Variants in EYA1 observed in about 807,000 individuals in gnomAD.
The protein encoded by EYA1 is EYA transcriptional coactivator and phosphatase 1.
Under a neutral mutation model 82.0 loss-of-function variants are expected in EYA1, and 16 were observed. The ratio of observed to expected loss-of-function variants is 0.20; its 90% CI spans 0.13 to 0.30. The LOEUF (loss-of-function observed/expected upper bound fraction) is 0.30, where lower values mean the gene tolerates loss of function less well. Among genes scored for constraint, EYA1 ranks in the 10% least tolerant of loss-of-function variants. The pLI is 1.00. For synonymous variants in EYA1, 261 were observed against 264.4 expected (o/e 0.99, Z 0.12); for missense variants, 633 against 730.7 (o/e 0.87, Z 1.54).
intron 12 of EYA1, among the ~76,000 whole-genome samples, chr8:71,240,268 CTT>C (rs35098983): frequency 0.32 from 45,981 of 142,872 alleles, 7,350 homozygotes; most frequent in Middle Eastern, 0.35. Flanking sequence ...TGCCCCAGGC[CTT>C]TTTTTTTTTT....
chr8:71,468,232 T>G (rs1404314169), intron 2 of EYA1, among the ~76,000 whole-genome samples: 1 of 152,170 alleles, frequency 6.6e-6, no homozygotes, highest in Non-Finnish European at 1.5e-5. Flanking sequence ...AGGCAAAGAA[T>G]AACCCCATCA....
intron 9 of EYA1, among the ~76,000 whole-genome samples, chr8:71,294,333 C>T (rs1819351612): frequency 6.6e-6 from 1 of 152,058 alleles, no homozygotes; most frequent in African/African-American, 2.4e-5. Context: ...GTAGCGGGCG[C>T]CTGTAGTCCC....
At chr8:71,417,491 A>G (rs66790719) in intron 2 of EYA1, among the ~76,000 whole-genome samples, 33,445 of 152,180 alleles carry the variant, frequency 0.22, 4,439 homozygotes, top group Non-Finnish European at 0.3. Flanking sequence ...GCATTCCATT[A>G]TATCGATGTA....
upstream of EYA1, among the ~76,000 whole-genome samples, chr8:71,365,598 C>T (rs147789860): frequency 6.6e-6 from 1 of 152,302 alleles, no homozygotes; most frequent in African/African-American, 2.4e-5. Context: ...TTCCAAAATA[C>T]TATACTTCCA....
At chr8:71,444,613 G>C (rs1356802917) in intron 2 of EYA1, among the ~76,000 whole-genome samples, 1 of 152,202 alleles carries the variant, frequency 6.6e-6, no homozygotes, top group Non-Finnish European at 1.5e-5. Flanking sequence ...ACCAGGATGA[G>C]AGGAGCACTA....
chr8:71,508,436 G>A (rs907775483), intron 2 of EYA1, among the ~76,000 whole-genome samples: 2 of 152,238 alleles, frequency 1.3e-5, no homozygotes, highest in African/African-American at 4.8e-5. Flanking sequence ...ACCAAGCCCA[G>A]CTACAAACTA....
chr8:71,321,442 G>A (rs1224508744), intron 6 of EYA1, among the ~76,000 whole-genome samples: 1 of 152,176 alleles, frequency 6.6e-6, no homozygotes, highest in African/African-American at 2.4e-5. Flanking sequence ...AAATATTTTG[G>A]ATTCCAGAGC....
chr8:71,279,462 G>A (rs2128965783), intron 9 of EYA1, among the ~76,000 whole-genome samples: 1 of 152,300 alleles, frequency 6.6e-6, no homozygotes, highest in South Asian at 2.1e-4. Flanking sequence ...AGAAGGCAAG[G>A]ATATTATAGT....
chr8:71,527,244 A>C (rs1457426377), intron 2 of EYA1, among the ~76,000 whole-genome samples: 1 of 152,196 alleles, frequency 6.6e-6, no homozygotes, highest in African/African-American at 2.4e-5. Context: ...CAAACTGAGT[A>C]CTTGAGTTCA....
intron 2 of EYA1, among the ~76,000 whole-genome samples, chr8:71,477,412 G>T (rs6996966): frequency 0.21 from 32,659 of 151,968 alleles, 6,849 homozygotes; most frequent in African/African-American, 0.5. Flanking sequence ...CAATGGGTTT[G>T]TGTAGCCATT....
In EYA1 at chr8:71,328,869, C is replaced by T. The variant is rs148437811; in HGVS notation, c.202+5228G>A. Among the ~76,000 whole-genome samples the T allele has an allele frequency of 7.2e-4, 109 of 152,306 alleles. No homozygotes were observed. The East Asian group carries it at 0.011, about 15-fold the overall frequency. Reference sequence around the variant, plus strand: ...TCAGTCATCAAGCTCAAGACCACATCCTGGCCCCTTTTCCCCACTCCATGG... The same window carrying T: ...TCAGTCATCAAGCTCAAGACCACATTCTGGCCCCTTTTCCCCACTCCATGG... On this transcript the variant is annotated intron_variant, in intron 4 of 17. Transcript: ENST00000340726.
intron 7 of EYA1, among the ~76,000 whole-genome samples, chr8:71,314,794 C>CA (rs2129019469): frequency 6.6e-6 from 1 of 152,238 alleles, no homozygotes; most frequent in African/African-American, 2.4e-5. Flanking sequence ...TAATGTCCCA[C>CA]AGAAAGGCCA....
chr8:71,368,476 G>A (rs148127022), intron 2 of EYA1, among the ~76,000 whole-genome samples: 65 of 151,886 alleles, frequency 4.3e-4, no homozygotes, highest in Non-Finnish European at 8.2e-4. Flanking sequence ...AGGTGAAGGA[G>A]GGACAGGACA....
intron 12 of EYA1, among the ~76,000 whole-genome samples, chr8:71,232,311 G>C (rs562262482): frequency 6.6e-6 from 1 of 152,348 alleles, no homozygotes; most frequent in Non-Finnish European, 1.5e-5. Context: ...AGCGGCCTGA[G>C]AAGGGGAGGC....
At position 71,198,183 on chromosome 8, in the gene EYA1, A is replaced by ATATC. The variant is rs1751335050; in HGVS notation, c.*1153_*1156dup. 1.3e-5 allele frequency: 2 copies of ATATC among 152,668 alleles called. No homozygotes were observed. The highest frequency in any genetic ancestry group is 2.4e-5 in the African/African-American group (1 of 41,458). The allele number at this position is 152,668 out of a possible 1,614,324, so 9.5% of individuals were successfully genotyped here. ...TCATGAACCATTTTATTAATAAAAT[A>ATATC]TATCTACTATCATCTATATTCTTTG... On this transcript the variant is annotated 3_prime_UTR_variant, in exon 18 of 18. Transcript: ENST00000340726.
At chr8:71,231,701 T>C (rs1459893944) in intron 12 of EYA1, among the ~76,000 whole-genome samples, 2 of 152,242 alleles carry the variant, frequency 1.3e-5, no homozygotes, top group African/African-American at 2.4e-5. Context: ...AGAGTGAGCA[T>C]GAGGACATTC....
At chr8:71,466,805 C>T (rs939976065) in intron 2 of EYA1, among the ~76,000 whole-genome samples, 13 of 152,018 alleles carry the variant, frequency 8.6e-5, no homozygotes, top group African/African-American at 1.4e-4. Flanking sequence ...AAAGAGAACT[C>T]CTGAAAGTTA....
At chr8:71,310,780 G>GT (rs59115215) in intron 7 of EYA1, among the ~76,000 whole-genome samples, 3 of 151,854 alleles carry the variant, frequency 2.0e-5, no homozygotes, top group Admixed American at 6.6e-5. Flanking sequence ...GAAAATCAGA[G>GT]TTTTTTATGA....
chr8:71,346,389 TACACAC>T (rs529572741), intron 3 of EYA1, among the ~76,000 whole-genome samples: 2 of 140,222 alleles, frequency 1.4e-5, no homozygotes, highest in Non-Finnish European at 3.1e-5. Flanking sequence ...TATACACACA[TACACAC>T]ACACACATAC....
Sources: gnomAD v4.1 joint callset for allele counts (sites outside exome capture counted in the v4.1 genomes callset) on GRCh38, gnomAD v4.1.1 for gene constraint, MANE v1.5 for transcripts, NCBI Gene and HGNC (gene_info 2026-07-23, HGNC 2026-07-21) for gene names.